Variants in MALRD1 observed in about 807,000 individuals in gnomAD.
The protein encoded by MALRD1 is MAM and LDL-receptor class A domain-containing protein 1.
Under a neutral mutation model 242.1 loss-of-function variants are expected in MALRD1, and 247 were observed. That is an observed-to-expected ratio of 1.02 (90% CI 0.92 to 1.13). The LOEUF (loss-of-function observed/expected upper bound fraction) is 1.13, where lower values mean the gene tolerates loss of function less well. MALRD1 is among the 50% of genes most tolerant of loss of function. The pLI, the probability that MALRD1 is intolerant of heterozygous loss-of-function variation, is 0.00. For synonymous variants in MALRD1, 995 were observed against 866.6 expected, an observed-to-expected ratio of 1.15 and a Z score of -2.60; for missense variants, 2,989 against 2,533.1, an observed-to-expected ratio of 1.18 and a Z score of -3.86.
chr10:19,449,155 ATTTGT>A, intron 28 of MALRD1, among the ~76,000 whole-genome samples: 1 of 152,156 alleles, frequency 6.6e-6, no homozygotes, highest in East Asian at 1.9e-4. Context: ...GAGTAGGGCA[ATTTGT>A]TTTATTTTAG....
At chr10:19,433,227 G>A (rs969650881) in intron 28 of MALRD1, among the ~76,000 whole-genome samples, 1 of 152,346 alleles carries the variant, frequency 6.6e-6, no homozygotes, top group East Asian at 1.9e-4. Flanking sequence ...TGTATGGCAG[G>A]GAGGCATGCC....
intron 36 of MALRD1, among the ~76,000 whole-genome samples, chr10:19,629,670 A>T (rs1261975990): frequency 6.6e-6 from 1 of 152,130 alleles, no homozygotes; most frequent in African/African-American, 2.4e-5. Context: ...AACGCACTCT[A>T]CTGAATGGAA....
At chr10:19,477,041 T>A (rs942378619) in intron 29 of MALRD1, among the ~76,000 whole-genome samples, 2 of 152,198 alleles carry the variant, frequency 1.3e-5, no homozygotes, top group African/African-American at 4.8e-5. Context: ...ATATAATTCT[T>A]GATTTTTTCA....
chr10:19,116,636 A>C (rs1836879341), intron 5 of MALRD1, among the ~76,000 whole-genome samples: 1 of 152,294 alleles, frequency 6.6e-6, no homozygotes. Context: ...GTGCAAGATA[A>C]GATTTGAAGG....
chr10:19,122,445 C>G (rs1326799622), intron 5 of MALRD1, among the ~76,000 whole-genome samples: 2 of 151,996 alleles, frequency 1.3e-5, no homozygotes, highest in Non-Finnish European at 2.9e-5. Flanking sequence ...AACTGAGAAG[C>G]AAATAAAAGT....
At chr10:19,585,756 A>C in intron 33 of MALRD1, among the ~76,000 whole-genome samples, 1 of 151,884 alleles carries the variant, frequency 6.6e-6, no homozygotes. Flanking sequence ...GTATTTCCTG[A>C]ATCTGAATGT....
intron 36 of MALRD1, among the ~76,000 whole-genome samples, chr10:19,630,944 GGGAA>G (rs937972025): frequency 6.6e-5 from 10 of 152,098 alleles, no homozygotes; most frequent in African/African-American, 1.7e-4. Flanking sequence ...TGATGTACAA[GGGAA>G]GGAAGACTGG....
rs189669339 is a variant in MALRD1, at chr10:19,586,828, G to A, written c.5681-8366G>A. Among the ~76,000 whole-genome samples the A allele has an allele frequency of 3.6e-3, 548 of 152,304 alleles. 2 individuals are homozygous for A. Among genetic ancestry groups the A allele is most frequent in the African/African-American group, 0.013 (520 of 41,578 alleles). ...TGGCAGGTGCCCCTCCCCCAGCCTCGCTGCCGCCTTGCAGTTTGATCTCAG... is the reference window on the plus strand; with the variant it reads ...TGGCAGGTGCCCCTCCCCCAGCCTCACTGCCGCCTTGCAGTTTGATCTCAG... On this transcript the variant is annotated intron_variant, in intron 33 of 39. Transcript: ENST00000454679.
intron 21 of MALRD1, among the ~76,000 whole-genome samples, chr10:19,312,436 G>C (rs1412737456): frequency 6.7e-6 from 1 of 149,814 alleles, no homozygotes; most frequent in Non-Finnish European, 1.5e-5. Flanking sequence ...GTGAGAGAGA[G>C]AGAGAGTTTG....
chr10:19,204,402 A>G lies in MALRD1; in HGVS notation c.2199A>G (p.Ile733Met). ...PTFSQTGPGC[I>M]LSFWFYNYGL... ...TCAGCCAGACAGGACCTGGATGCAT[A>G]CTTTCCTTCTGGTAAATATTAAACA... Residue 733 changes from isoleucine to methionine, a missense_variant, in exon 16 of 40, where the codon ATA becomes ATG. By Grantham distance (10) the Ile-to-Met change is conservative (BLOSUM62 1). Coordinates refer to ENST00000454679, the MANE Select transcript of MALRD1 (RefSeq NM_001142308.3). 6.5e-7 allele frequency: 1 copy of G among 1,542,858 alleles called. No homozygotes were observed. Among genetic ancestry groups the G allele is most frequent in the Non-Finnish European group, 8.7e-7 (1 of 1,143,630 alleles).
rs7093789 is a variant in MALRD1, at chr10:19,537,611, C to T, written c.5478+6260C>T. 5.4e-4 allele frequency among the ~76,000 whole-genome samples: 83 copies of T among 152,310 alleles called. 2 individuals are homozygous for T. The highest frequency in any genetic ancestry group is 1.9e-3 in the African/African-American group (79 of 41,568). On this transcript the variant is annotated intron_variant, in intron 32 of 39. Transcript: ENST00000454679. ...TTATCATTTGATATAAAATACCTCT[C>T]TCAGCAGAAGATGAGTAATTACTTA...
chr10:19,076,747 T>C (rs1234824713), intron 2 of MALRD1, among the ~76,000 whole-genome samples: 2 of 152,032 alleles, frequency 1.3e-5, no homozygotes, highest in Non-Finnish European at 2.9e-5. Context: ...ATTTTGTTAT[T>C]TTCTTTCAGG....
chr10:19,493,692 T>G (rs1259512979), intron 30 of MALRD1, among the ~76,000 whole-genome samples: 1 of 150,810 alleles, frequency 6.6e-6, no homozygotes, highest in African/African-American at 2.4e-5. Flanking sequence ...TGGATGCCTG[T>G]AATCCCAGCC....
At chr10:19,153,555 G>A (rs111953697) in intron 11 of MALRD1, among the ~76,000 whole-genome samples, 2 of 152,074 alleles carry the variant, frequency 1.3e-5, no homozygotes, top group Admixed American at 6.6e-5. Context: ...TTTGCTGTAT[G>A]TGGTAGTGTG....
chr10:19,576,630 A>C (rs778369254), intron 33 of MALRD1, among the ~76,000 whole-genome samples: 1 of 152,208 alleles, frequency 6.6e-6, no homozygotes, highest in Non-Finnish European at 1.5e-5. Flanking sequence ...GTCTCTGTCT[A>C]TAAAATGATC....
chr10:19,219,754 C>T lies in MALRD1; in HGVS notation c.2991+10074C>T, dbSNP rs572786111. ...TTCTTTTCTAAAAGACATTTTCTAA[C>T]ATACTTCTCATTTTAACTAACATAA... On this transcript the variant is annotated intron_variant, in intron 18 of 39. Coordinates refer to ENST00000454679, the MANE Select transcript of MALRD1 (RefSeq NM_001142308.3). 5.9e-5 allele frequency among the ~76,000 whole-genome samples: 9 copies of T among 152,266 alleles called. No individual in the cohort carries two copies. The East Asian group carries it at 1.7e-3, about 29-fold the overall frequency.
At chr10:19,459,628 G>C (rs529549725) in intron 29 of MALRD1, among the ~76,000 whole-genome samples, 1 of 151,992 alleles carries the variant, frequency 6.6e-6, no homozygotes, top group East Asian at 1.9e-4. Flanking sequence ...TCAAAGCCAT[G>C]GATGAATCTA....
intron 36 of MALRD1, among the ~76,000 whole-genome samples, chr10:19,690,364 A>G (rs1842765643): frequency 6.6e-6 from 1 of 152,064 alleles, no homozygotes; most frequent in Non-Finnish European, 1.5e-5. Context: ...ATATATTTCC[A>G]TAGCTATCGG....
At chr10:19,332,647 T>TGGAATATC (rs2130925963) in intron 24 of MALRD1, among the ~76,000 whole-genome samples, 1 of 152,326 alleles carries the variant, frequency 6.6e-6, no homozygotes, top group East Asian at 1.9e-4. Flanking sequence ...GAACCAAACC[T>TGGAATATC]GGAATATCAT....
Sources: allele counts gnomAD v4.1 joint callset (sites outside exome capture counted in the v4.1 genomes callset), GRCh38; gene constraint gnomAD v4.1.1; transcripts MANE v1.5; gene names NCBI Gene and HGNC (gene_info 2026-07-23, HGNC 2026-07-21).